SASH1: variants seen among roughly 807,000 people sequenced by gnomAD.
SASH1 encodes the protein SAM and SH3 domain-containing protein 1.
Under a neutral mutation model 125.2 loss-of-function variants are expected in SASH1, and 44 were observed. The observed-to-expected ratio is 0.35, with a 90% CI of 0.28 to 0.45. The LOEUF (loss-of-function observed/expected upper bound fraction) is 0.45, where lower values mean the gene tolerates loss of function less well. SASH1 is among the 20% of genes least tolerant of loss of function. The pLI is 1.00. For synonymous variants in SASH1, 639 were observed against 649.1 expected, an observed-to-expected ratio of 0.98 and a Z score of 0.24; for missense variants, 1,426 against 1,614.5, an observed-to-expected ratio of 0.88 and a Z score of 2.00.
chr6:148,306,332 G>C (rs981722800), intron 1 of SASH1, among the ~76,000 whole-genome samples: 1 of 152,186 alleles, frequency 6.6e-6, no homozygotes, highest in African/African-American at 2.4e-5. Context: ...GGCAGAGATA[G>C]ATCTGAGGGG....
chr6:148,307,405 C>T (rs144441264), intron 1 of SASH1, among the ~76,000 whole-genome samples: 4 of 152,052 alleles, frequency 2.6e-5, no homozygotes, highest in East Asian at 3.9e-4. Flanking sequence ...CATGAGCCAC[C>T]GCACCTGGCC....
At chr6:148,506,108 G>T (rs1779787179) in intron 8 of SASH1, among the ~76,000 whole-genome samples, 1 of 151,958 alleles carries the variant, frequency 6.6e-6, no homozygotes, top group Non-Finnish European at 1.5e-5. Flanking sequence ...TATTTACACA[G>T]CACCTAAAAG....
At chr6:148,234,823 G>A in the SASH1 span, among the ~76,000 whole-genome samples, 12 of 146,726 alleles carry the variant, frequency 8.2e-5, no homozygotes, top group East Asian at 3.9e-4. Context: ...GCGAAACTCC[G>A]TTTCAGAAAA....
rs368060978 is a variant in SASH1, at chr6:148,544,574, G to A, written c.3104G>A (p.Cys1035Tyr). The change falls in exon 18 of 20, where the codon TGT (cysteine) becomes TAT (tyrosine). Residue 1035 changes from cysteine to tyrosine, a missense_variant. Coordinates refer to ENST00000367467, the MANE Select transcript of SASH1 (RefSeq NM_015278.5). This position sits in a 1 kb window ranked among gnomAD's most constrained non-coding sequence, Gnocchi z 6.4. Reference sequence around the variant, plus strand: ...GCCAGCCCCACCAGCCCTAGCGACTGTCCCCCAGCACTGGCTCCCAGGCCT... The same window carrying A: ...GCCAGCCCCACCAGCCCTAGCGACTATCCCCCAGCACTGGCTCCCAGGCCT... ...SPASPTSPSDCPPALAPRPLS... is the reference protein window; with the variant it reads ...SPASPTSPSDYPPALAPRPLS... The A allele has an allele frequency of 3.7e-6, 6 of 1,613,104 alleles. No homozygotes were observed. The highest frequency in any genetic ancestry group is 5.1e-6 in the Non-Finnish European group (6 of 1,179,944).
intron 8 of SASH1, chr6:148,513,674 G>T: frequency 1.0e-6 from 1 of 985,646 alleles, no homozygotes; most frequent in Non-Finnish European, 1.2e-6. Context: ...TGGCTGAAAG[G>T]TCAGCTTTTT....
chr6:148,245,995 A>C, the SASH1 span, among the ~76,000 whole-genome samples: 1 of 151,990 alleles, frequency 6.6e-6, no homozygotes, highest in Non-Finnish European at 1.5e-5. Flanking sequence ...AAAACAAAAA[A>C]AAAAGAAAAA....
intron 4 of SASH1, among the ~76,000 whole-genome samples, chr6:148,443,742 A>G (rs1776658307): frequency 6.6e-6 from 1 of 152,062 alleles, no homozygotes. Flanking sequence ...ATCACCCTGA[A>G]AATCCTAAGT....
In SASH1 at chr6:148,533,900, C is replaced by T. The variant is rs375678128; in HGVS notation, c.1864C>T (p.Arg622Cys). ...VLSEDEEKPKRPTRRRRKGRP... is the reference protein window; with the variant it reads ...VLSEDEEKPKCPTRRRRKGRP... ...CAGTGAAGACGAGGAGAAACCCAAA[C>T]GCCCCACCAGGAGGCGTCGGAAAGG... The change falls in exon 15 of 20, where the codon CGC becomes TGC. Residue 622 changes from arginine (R) to cysteine (C), a missense_variant. Coordinates refer to ENST00000367467, the MANE Select transcript of SASH1 (RefSeq NM_015278.5). This position sits in a 1 kb window ranked among gnomAD's most constrained non-coding sequence, Gnocchi z 6.2. The T allele has an allele frequency of 7.4e-6, 12 of 1,613,958 alleles. No homozygotes were observed. The highest frequency in any genetic ancestry group is 4.0e-5 in the African/African-American group (3 of 74,928).
chr6:148,286,376 G>T (rs1385848374), intron 1 of SASH1, among the ~76,000 whole-genome samples: 4 of 151,826 alleles, frequency 2.6e-5, no homozygotes, highest in Non-Finnish European at 4.4e-5. Context: ...ACTCCGGCCT[G>T]GGTGACAGAG....
the SASH1 span, among the ~76,000 whole-genome samples, chr6:148,237,969 A>G: frequency 6.6e-6 from 1 of 152,200 alleles, no homozygotes; most frequent in Non-Finnish European, 1.5e-5. Flanking sequence ...TACATAGGGT[A>G]CCATGAGAAT....
At chr6:148,295,335 C>G (rs1053538547) in intron 1 of SASH1, among the ~76,000 whole-genome samples, 1 of 152,184 alleles carries the variant, frequency 6.6e-6, no homozygotes. Context: ...CACGTGCATA[C>G]TTTATCTCTC....
the SASH1 span, among the ~76,000 whole-genome samples, chr6:148,227,742 T>C: frequency 2.0e-5 from 3 of 152,222 alleles, no homozygotes; most frequent in African/African-American, 7.2e-5. Flanking sequence ...TGTTTTTATA[T>C]TGCAAACTGA....
At chr6:148,452,858 C>T (rs1025226522) in intron 4 of SASH1, among the ~76,000 whole-genome samples, 1 of 152,234 alleles carries the variant, frequency 6.6e-6, no homozygotes, top group African/African-American at 2.4e-5. Context: ...CCTTTCGTTT[C>T]TTTTGTGATG....
At chr6:148,453,142 G>A (rs1777184753) in intron 4 of SASH1, among the ~76,000 whole-genome samples, 1 of 152,178 alleles carries the variant, frequency 6.6e-6, no homozygotes, top group African/African-American at 2.4e-5. Flanking sequence ...AGCCGACCCG[G>A]ACACAGCTTG....
At chr6:148,274,407 C>T (rs867456221) in intron 1 of SASH1, among the ~76,000 whole-genome samples, 29 of 152,308 alleles carry the variant, frequency 1.9e-4, no homozygotes, top group African/African-American at 5.8e-4. Context: ...ACTGGTTGCC[C>T]GCAGTTCTTT....
At chr6:148,474,865 C>A (rs1778273914) in intron 7 of SASH1, among the ~76,000 whole-genome samples, 1 of 152,184 alleles carries the variant, frequency 6.6e-6, no homozygotes, top group Non-Finnish European at 1.5e-5. Flanking sequence ...AGCAAGCGCA[C>A]CTGGCCTATA....
intron 1 of SASH1, among the ~76,000 whole-genome samples, chr6:148,273,093 C>CTACAAAAAT (rs926716891): frequency 1.3e-5 from 2 of 151,934 alleles, no homozygotes; most frequent in Non-Finnish European, 2.9e-5. Context: ...AACACTGTCT[C>CTACAAAAAT]TACAAAAATT....
intron 1 of SASH1, among the ~76,000 whole-genome samples, chr6:148,370,841 AC>A (rs569622310): frequency 2.1e-3 from 321 of 152,242 alleles, no homozygotes; most frequent in Middle Eastern, 6.8e-3. Flanking sequence ...AAAAGACAAA[AC>A]AAAAAAACCC....
At chr6:148,290,538 G>A (rs866165446) in intron 1 of SASH1, among the ~76,000 whole-genome samples, 1 of 152,016 alleles carries the variant, frequency 6.6e-6, no homozygotes, top group African/African-American at 2.4e-5. Flanking sequence ...CCCGGGAGGC[G>A]AAGCTTGCAG....
Sources: allele counts gnomAD v4.1 joint callset (sites outside exome capture counted in the v4.1 genomes callset), GRCh38; gene constraint gnomAD v4.1.1; non-coding constraint Gnocchi (gnomAD v3.1); transcripts MANE v1.5; gene names NCBI Gene and HGNC (gene_info 2026-07-23, HGNC 2026-07-21).